Variants in ANKRD11 observed in about 807,000 individuals in gnomAD.
ANKRD11 encodes ankyrin repeat domain-containing protein 11.
A neutral mutation model predicts 195.7 loss-of-function variants in ANKRD11; 17 were observed. The ratio of observed to expected loss-of-function variants is 0.09; its 90% CI spans 0.06 to 0.13. The LOEUF (loss-of-function observed/expected upper bound fraction) is 0.13. Ranked by LOEUF, ANKRD11 falls within the 10% of genes least tolerant of loss-of-function variation. The pLI, the probability that ANKRD11 is intolerant of heterozygous loss-of-function variation, is 1.00. For synonymous variants in ANKRD11, 1,953 were observed against 1,528.1 expected, an observed-to-expected ratio of 1.28 and a Z score of -6.49; for missense variants, 3,735 against 3,566.1, an observed-to-expected ratio of 1.05 and a Z score of -1.21.
At chr16:89,376,731 G>A (rs573631808) in intron 2 of ANKRD11, among the ~76,000 whole-genome samples, 5 of 152,300 alleles carry the variant, frequency 3.3e-5, no homozygotes, top group South Asian at 2.1e-4. Flanking sequence ...GCGCCACCAC[G>A]CCTGGCCCTG....
At chr16:89,327,111 T>G (rs62070813) in intron 2 of ANKRD11, among the ~76,000 whole-genome samples, 1,369 of 68,760 alleles carry the variant, frequency 0.02, 21 homozygotes, top group African/African-American at 0.072. Context: ...ATGCAGAGGT[T>G]GGAAATGCAG....
At chr16:89,363,591 C>T (rs1042595558) in intron 2 of ANKRD11, among the ~76,000 whole-genome samples, 2 of 152,202 alleles carry the variant, frequency 1.3e-5, no homozygotes, top group African/African-American at 4.8e-5. Context: ...ACCACCAAAA[C>T]TTTCTTTGCA....
chr16:89,457,498 T>C (rs1211719161), intron 1 of ANKRD11, among the ~76,000 whole-genome samples: 1 of 148,110 alleles, frequency 6.8e-6, no homozygotes, highest in Non-Finnish European at 1.5e-5. Flanking sequence ...CTCGGGAGGC[T>C]AGGGCAGAAG....
At chr16:89,487,148 C>T (rs1196153160) in intron 1 of ANKRD11, among the ~76,000 whole-genome samples, 1 of 152,156 alleles carries the variant, frequency 6.6e-6, no homozygotes, top group Non-Finnish European at 1.5e-5. Flanking sequence ...ACTGAATTCC[C>T]ACAGAGCACT....
At chr16:89,331,875 T>C (rs951494371) in intron 2 of ANKRD11, among the ~76,000 whole-genome samples, 5 of 151,980 alleles carry the variant, frequency 3.3e-5, no homozygotes, top group Non-Finnish European at 5.9e-5. Flanking sequence ...TCGGGTTTGG[T>C]TCCGGGTTAA....
chr16:89,487,360 C>T (rs548213877), intron 1 of ANKRD11, among the ~76,000 whole-genome samples: 62 of 152,352 alleles, frequency 4.1e-4, no homozygotes, highest in South Asian at 1.4e-3. Context: ...TCTGAGCCAG[C>T]ATTTACTGAT....
chr16:89,405,565 T>G (rs908118054), intron 2 of ANKRD11, among the ~76,000 whole-genome samples: 1 of 149,366 alleles, frequency 6.7e-6, no homozygotes, highest in Non-Finnish European at 1.5e-5. Flanking sequence ...AACTCCTGGG[T>G]TGCAGCAATC....
At chr16:89,473,298 C>A (rs1567854173) in intron 1 of ANKRD11, among the ~76,000 whole-genome samples, 1 of 152,244 alleles carries the variant, frequency 6.6e-6, no homozygotes, top group East Asian at 1.9e-4. Context: ...TCTGATGAGT[C>A]CATACTTACT....
At chr16:89,389,120 G>T (rs1322958905) in intron 2 of ANKRD11, among the ~76,000 whole-genome samples, 1 of 152,054 alleles carries the variant, frequency 6.6e-6, no homozygotes, top group Non-Finnish European at 1.5e-5. Flanking sequence ...CAGGGCTCAG[G>T]CAATCCTCCC....
intron 1 of ANKRD11, among the ~76,000 whole-genome samples, chr16:89,426,858 C>G (rs1427584033): frequency 2.0e-5 from 3 of 152,208 alleles, no homozygotes; most frequent in Non-Finnish European, 4.4e-5. Context: ...AGCTCCTACT[C>G]AACAATCGCT....
chr16:89,275,026 G>GC, intron 10 of ANKRD11, 67 bp downstream of exon 10: 1 of 1,612,870 alleles, frequency 6.2e-7, no homozygotes, highest in South Asian at 1.1e-5. Context: ...CAACACGACA[G>GC]CCCCTGGGGC....
chr16:89,485,097 T>C (rs1381041607), intron 1 of ANKRD11, among the ~76,000 whole-genome samples: 1 of 152,082 alleles, frequency 6.6e-6, no homozygotes, highest in Non-Finnish European at 1.5e-5. Context: ...TCTAGGCCCC[T>C]GAAAAATCTC....
intron 1 of ANKRD11, among the ~76,000 whole-genome samples, chr16:89,447,300 T>C (rs759203458): frequency 1.3e-5 from 2 of 152,110 alleles, no homozygotes; most frequent in Non-Finnish European, 2.9e-5. Context: ...CCTCCCTCTC[T>C]TCCCTATCCA....
chr16:89,355,270 A>G (rs3096325), intron 2 of ANKRD11, among the ~76,000 whole-genome samples: 83,893 of 151,046 alleles, frequency 0.56, 23,733 homozygotes, highest in African/African-American at 0.68. Context: ...GAAGGCGGGC[A>G]GAGGGCTCAC....
intron 3 of ANKRD11, among the ~76,000 whole-genome samples, chr16:89,311,420 A>G (rs2036601517): frequency 6.6e-6 from 1 of 152,234 alleles, no homozygotes; most frequent in Non-Finnish European, 1.5e-5. Flanking sequence ...CTATCTAGAT[A>G]GAAAACAAGA....
At chr16:89,315,724 G>A (rs900509879) in intron 3 of ANKRD11, among the ~76,000 whole-genome samples, 12 of 152,204 alleles carry the variant, frequency 7.9e-5, no homozygotes, top group Admixed American at 5.2e-4. Flanking sequence ...AGCTGCTGTC[G>A]TTTAGCACCT....
In ANKRD11 at chr16:89,283,836, C is replaced by T. The variant is rs750158756; in HGVS notation, c.2706G>A (p.Glu902=). ...CCCTGTCCTTCTTTCGGAAGAAGGG[C>T]TCTCTGTAGTCTCGCTTCTCCCGGG... The part of the protein sequence containing the change: ...SRAREKRDYR[E]PFFRKKDRDY... Residue 902 remains glutamate, a synonymous_variant, in exon 9 of 13, where the codon GAG becomes GAA. Transcript: ENST00000301030. The surrounding 1 kb of genome is among the most constrained non-coding windows in gnomAD (Gnocchi z 4.3). The T allele has an allele frequency of 2.5e-6, 4 of 1,614,058 alleles. No homozygotes were observed. Among genetic ancestry groups the T allele is most frequent in the Admixed American group, 1.7e-5 (1 of 60,010 alleles).
chr16:89,413,954 C>T (rs1466694580), intron 2 of ANKRD11, among the ~76,000 whole-genome samples: 1 of 152,154 alleles, frequency 6.6e-6, no homozygotes, highest in Non-Finnish European at 1.5e-5. Context: ...GACAGGGACC[C>T]CAGCACAGCA....
At chr16:89,406,126 A>C (rs551272996) in intron 2 of ANKRD11, among the ~76,000 whole-genome samples, 3,096 of 151,808 alleles carry the variant, frequency 0.02, 107 homozygotes, top group African/African-American at 0.071. Context: ...AAAAAAAAAA[A>C]AAACCTTCAG....
Sources: gnomAD v4.1 joint callset for allele counts (sites outside exome capture counted in the v4.1 genomes callset) on GRCh38, gnomAD v4.1.1 for gene constraint, Gnocchi (gnomAD v3.1) non-coding constraint, MANE v1.5 for transcripts, NCBI Gene and HGNC (gene_info 2026-07-23, HGNC 2026-07-21) for gene names.